SLC25A16: variants seen among roughly 807,000 people sequenced by gnomAD.
SLC25A16 encodes solute carrier family 25 member 16, also known as mitochondrial coenzyme A transporter SLC25A16.
SLC25A16 carries 39 observed loss-of-function variants against 41.5 expected under a neutral mutation model. The ratio of observed to expected loss-of-function variants is 0.94; its 90% CI spans 0.73 to 1.23. The LOEUF is 1.23. Ranked by LOEUF, SLC25A16 falls within the 50% of genes most tolerant of loss-of-function variation. The pLI, the probability that SLC25A16 is intolerant of heterozygous loss-of-function variation, is 0.00. For missense variants in SLC25A16, 421 were observed against 426.9 expected (o/e 0.99, Z 0.12); for synonymous variants, 146 against 147.8 (o/e 0.99, Z 0.09).
At chr10:68,485,657 A>G (rs2052547146) in intron 8 of SLC25A16, among the ~76,000 whole-genome samples, 1 of 151,916 alleles carries the variant, frequency 6.6e-6, no homozygotes, top group Admixed American at 6.6e-5. Context: ...TGCTGGGATT[A>G]TAGGCGTGAG....
intron 6 of SLC25A16, among the ~76,000 whole-genome samples, chr10:68,492,214 C>G (rs557160733): frequency 2.6e-5 from 4 of 152,306 alleles, no homozygotes; most frequent in African/African-American, 9.6e-5. Flanking sequence ...CCCCAACTTA[C>G]AAGGATAGTA....
chr10:68,491,190 T>TA (rs2052651264), intron 6 of SLC25A16, among the ~76,000 whole-genome samples: 1 of 151,960 alleles, frequency 6.6e-6, no homozygotes, highest in Non-Finnish European at 1.5e-5. Context: ...CACCACATTT[T>TA]AGTTTGCTAT....
intron 4 of SLC25A16, among the ~76,000 whole-genome samples, chr10:68,494,888 A>C (rs192111488): frequency 8.0e-4 from 121 of 151,670 alleles, no homozygotes; most frequent in Non-Finnish European, 1.5e-3. Flanking sequence ...TAAAAAAAAA[A>C]AAAAAGTAAA....
At chr10:68,501,567 G>C (rs1001583159) in intron 4 of SLC25A16, among the ~76,000 whole-genome samples, 7 of 150,526 alleles carry the variant, frequency 4.7e-5, no homozygotes, top group African/African-American at 1.7e-4. Flanking sequence ...GGGGAGGGGA[G>C]AGGAGGGGAG....
intron 1 of SLC25A16, chr10:68,518,120 C>T (rs1167083822): frequency 1.3e-5 from 2 of 149,402 alleles, no homozygotes; most frequent in Non-Finnish European, 1.5e-5. Context: ...AACACCTGGT[C>T]TTTAAAAAAC....
chr10:68,490,877 G>A (rs2052645819), intron 6 of SLC25A16, among the ~76,000 whole-genome samples: 1 of 148,502 alleles, frequency 6.7e-6, no homozygotes, highest in Non-Finnish European at 1.5e-5. Flanking sequence ...CACTAGAACA[G>A]CTAAAAAATA....
At chr10:68,491,532 T>TG (rs2052658276) in intron 6 of SLC25A16, among the ~76,000 whole-genome samples, 1 of 151,856 alleles carries the variant, frequency 6.6e-6, no homozygotes, top group Non-Finnish European at 1.5e-5. Context: ...CCCTTGTTGT[T>TG]GCTTTTTTGT....
At chr10:68,484,136 A>G (rs1409622821) in intron 8 of SLC25A16, among the ~76,000 whole-genome samples, 1 of 152,178 alleles carries the variant, frequency 6.6e-6, no homozygotes, top group Non-Finnish European at 1.5e-5. Flanking sequence ...TGTTTGTACT[A>G]TGTCTATGAC....
chr10:68,525,308 G>A (rs1391635441), intron 1 of SLC25A16, among the ~76,000 whole-genome samples: 1 of 151,920 alleles, frequency 6.6e-6, no homozygotes, highest in Admixed American at 6.6e-5. Context: ...ACAAATTTTT[G>A]TAGTTTTAGT....
At chr10:68,493,267 TCACA>T (rs1370762641) in intron 5 of SLC25A16, 69 bp from the exon 6 acceptor site, 5 of 1,245,780 alleles carry the variant, frequency 4.0e-6, no homozygotes, top group Non-Finnish European at 5.7e-6. Flanking sequence ...AAAGAAAAAA[TCACA>T]CTTTATAACA....
intron 1 of SLC25A16, among the ~76,000 whole-genome samples, chr10:68,526,340 A>C (rs554763973): frequency 6.6e-6 from 1 of 152,314 alleles, no homozygotes; most frequent in Non-Finnish European, 1.5e-5. Flanking sequence ...ACAGCACTTA[A>C]TCCTTTACAT....
intron 2 of SLC25A16, among the ~76,000 whole-genome samples, chr10:68,514,418 C>G (rs2053123248): frequency 6.6e-6 from 1 of 152,034 alleles, no homozygotes; most frequent in Admixed American, 6.6e-5. Flanking sequence ...ATCACTTGAA[C>G]CCGGAAGGCG....
rs4529795 is a variant in SLC25A16, at chr10:68,482,871, C to T, written c.*561G>A. ...TATTTTTGTGTCTCTACATGGCTAC[C>T]TTTTAAATACAACATTAATTTTATT... is the stretch of plus-strand genomic sequence containing the variant. On this transcript the variant is annotated 3_prime_UTR_variant, in exon 9 of 9. Transcript: ENST00000609923. 151,334 of 152,270 alleles carry T rather than the reference C, an allele frequency of 0.99. 75,206 individuals carry two copies. Among genetic ancestry groups the T allele is most frequent in the Middle Eastern group, 1 (294 of 294 alleles). 9.4% of individuals were successfully genotyped at this position (152,270 alleles called of 1,614,324 possible).
intron 1 of SLC25A16, among the ~76,000 whole-genome samples, chr10:68,522,591 G>A (rs532197479): frequency 3.3e-5 from 5 of 151,948 alleles, no homozygotes; most frequent in Non-Finnish European, 5.9e-5. Flanking sequence ...CGAGGCAGGC[G>A]GATCACGAGG....
intron 1 of SLC25A16, among the ~76,000 whole-genome samples, chr10:68,519,060 C>T (rs1329650364): frequency 2.0e-5 from 3 of 150,566 alleles, no homozygotes; most frequent in South Asian, 2.1e-4. Context: ...GGTGTGATGA[C>T]GTGTGCCTGT....
At chr10:68,514,255 G>C (rs539024511) in intron 2 of SLC25A16, among the ~76,000 whole-genome samples, 1 of 152,062 alleles carries the variant, frequency 6.6e-6, no homozygotes, top group Non-Finnish European at 1.5e-5. Context: ...CCAGCACTTT[G>C]AGAGGCCGAG....
At chr10:68,517,215 G>GA (rs1317853663) in intron 1 of SLC25A16, 8 of 994,636 alleles carry the variant, frequency 8.0e-6, no homozygotes, top group Non-Finnish European at 9.6e-6. Flanking sequence ...ACAGACACTT[G>GA]AAGGTATTTA....
At chr10:68,515,198 A>T (rs1303145743) in intron 2 of SLC25A16, among the ~76,000 whole-genome samples, 1 of 150,782 alleles carries the variant, frequency 6.6e-6, no homozygotes, top group Non-Finnish European at 1.5e-5. Flanking sequence ...CTCTACTAAA[A>T]ATACAAAAAT....
chr10:68,516,661 A>G, intron 2 of SLC25A16, 90 bp downstream of exon 2: 1 of 842,090 alleles, frequency 1.2e-6, no homozygotes, highest in Non-Finnish European at 1.8e-6. Context: ...CCTCTACTTT[A>G]CTTTTTACAC....
Sources: gnomAD v4.1 joint callset for allele counts (sites outside exome capture counted in the v4.1 genomes callset) on GRCh38, gnomAD v4.1.1 for gene constraint, MANE v1.5 for transcripts, NCBI Gene and HGNC (gene_info 2026-07-23, HGNC 2026-07-21) for gene names.